Variants in SLC17A1 observed in about 807,000 individuals in gnomAD.
The protein encoded by SLC17A1 is sodium-dependent phosphate transport protein 1.
Under a neutral mutation model 53.5 loss-of-function variants are expected in SLC17A1, and 51 were observed. The ratio of observed to expected loss-of-function variants is 0.95; its 90% CI spans 0.76 to 1.20. SLC17A1 has a LOEUF of 1.20. Among genes scored for constraint, SLC17A1 ranks in the 50% most tolerant of loss-of-function variants. The pLI is 0.00. For missense variants in SLC17A1, 538 were observed against 568.2 expected (o/e 0.95, Z 0.54); for synonymous variants, 179 against 198.8 (o/e 0.90, Z 0.84).
At chr6:25,810,547 A>T (rs986415676) in intron 10 of SLC17A1, among the ~76,000 whole-genome samples, 5 of 152,268 alleles carry the variant, frequency 3.3e-5, no homozygotes, top group African/African-American at 1.2e-4. Flanking sequence ...TTAAAACCAC[A>T]ATGAGATATC....
In SLC17A1 at chr6:25,805,946, G is replaced by C. The variant is rs368598116; in HGVS notation, c.1179-4966C>G. Among the ~76,000 whole-genome samples, 8 of 152,006 alleles carry C rather than the reference G, an allele frequency of 5.3e-5. No individual in the cohort carries two copies. The East Asian group carries it at 1.2e-3, about 22-fold the overall frequency. Reference sequence around the variant, plus strand: ...ACAGATTCACAGCTAAATTCTACCAGACAATCAAAGAATTGGTGCCAATCC... The same window carrying C: ...ACAGATTCACAGCTAAATTCTACCACACAATCAAAGAATTGGTGCCAATCC... On this transcript the variant is annotated intron_variant, in intron 10 of 12. Transcript: ENST00000244527.
At chr6:25,786,826 C>G (rs1581445207) in intron 12 of SLC17A1, among the ~76,000 whole-genome samples, 1 of 152,112 alleles carries the variant, frequency 6.6e-6, no homozygotes, top group African/African-American at 2.4e-5. Context: ...AAAAGCCAGA[C>G]AGAAGAAAGT....
the SLC17A1 span, among the ~76,000 whole-genome samples, chr6:25,734,546 A>G: frequency 6.6e-6 from 1 of 152,248 alleles, no homozygotes; most frequent in South Asian, 2.1e-4. Flanking sequence ...TACTAAGTGC[A>G]GCACATTCTC....
chr6:25,830,552 T>G lies in SLC17A1; in HGVS notation c.6A>C (p.Gln2His), dbSNP rs1024055523. Residue 2 changes from glutamine to histidine, a missense_variant, in exon 2 of 13, where the codon CAA becomes CAC. By Grantham distance (24) the Gln-to-His change is conservative. Coordinates refer to ENST00000244527, the MANE Select transcript of SLC17A1 (RefSeq NM_005074.5). The stretch of plus-strand genomic sequence containing the variant: ...TTTTGGGAGGCAACCGGTTATCCAT[T>G]TGCATACACGGCTGAAGTTGCTTCT... MQMDNRLPPKKV... is the reference protein window; with the variant it reads MHMDNRLPPKKV... 1 of 1,614,000 alleles carries G rather than the reference T, an allele frequency of 6.2e-7. No homozygotes were observed. The highest frequency in any genetic ancestry group is 8.5e-7 in the Non-Finnish European group (1 of 1,179,894).
chr6:25,727,344 T>TA, the SLC17A1 span: 5 of 1,477,624 alleles, frequency 3.4e-6, no homozygotes, highest in Non-Finnish European at 4.6e-6. Context: ...CAGAGCCACT[T>TA]AAACATACTG....
At chr6:25,731,885 C>G in the SLC17A1 span, 5 of 1,603,076 alleles carry the variant, frequency 3.1e-6, no homozygotes, top group Non-Finnish European at 4.3e-6. Flanking sequence ...TCTGGATCTC[C>G]CTGGAGGTGA....
Position 25,819,893 on chromosome 6 carries a change from G to A in SLC17A1, c.230C>T (p.Pro77Leu). ...NIKNPMYNWSPDIQGIILSST... is the reference protein window; with the variant it reads ...NIKNPMYNWSLDIQGIILSST... Reference sequence around the variant, plus strand: ...ACTCAAGATGATTCCCTGGATATCTGGGCTCCAATTATACATAGGGTTCTA... The same window carrying A: ...ACTCAAGATGATTCCCTGGATATCTAGGCTCCAATTATACATAGGGTTCTA... Residue 77 changes from proline to leucine, a missense_variant, in exon 4 of 13, where the codon CCA becomes CTA. Pro to Leu is a moderately conservative substitution (Grantham distance 98). Transcript: ENST00000244527. 1.9e-6 allele frequency: 3 copies of A among 1,612,106 alleles called. No individual in the cohort carries two copies. Among genetic ancestry groups the A allele is most frequent in the South Asian group, 2.2e-5 (2 of 90,698 alleles).
chr6:25,779,494 G>C (rs1377496672), downstream of SLC17A1: 1 of 255,516 alleles, frequency 3.9e-6, no homozygotes, highest in Non-Finnish European at 7.4e-6. Flanking sequence ...GCCAGACCTT[G>C]GGACCGAGAA....
intron 3 of SLC17A1, among the ~76,000 whole-genome samples, chr6:25,824,972 T>C (rs1764691495): frequency 6.6e-6 from 1 of 151,976 alleles, no homozygotes; most frequent in Non-Finnish European, 1.5e-5. Context: ...TCTTTATCTC[T>C]GGTTATCTTC....
At chr6:25,777,023 CT>C in the SLC17A1 span, 1 of 1,517,560 alleles carries the variant, frequency 6.6e-7, no homozygotes, top group Non-Finnish European at 8.9e-7. Context: ...CCTAAATCTA[CT>C]CTGATGTGAA....
intron 12 of SLC17A1, among the ~76,000 whole-genome samples, chr6:25,787,041 GAAATAAATAAAT>G (rs3034353): frequency 1.6e-4 from 24 of 149,462 alleles, no homozygotes; most frequent in South Asian, 4.3e-4. Context: ...GCTTAACAAG[GAAATAAATAAAT>G]AAATAAATAA....
intron 1 of SLC17A1, 54 bp from the exon 2 acceptor site, chr6:25,830,661 AAC>A: frequency 1.6e-6 from 2 of 1,214,574 alleles, no homozygotes; most frequent in Non-Finnish European, 2.4e-6. Context: ...CAACTGACCA[AAC>A]ACTACCCAGT....
rs1362490804 is a variant in SLC17A1, at chr6:25,830,568, A to T, written c.-11T>A. 1 of 1,613,924 alleles carries T rather than the reference A, an allele frequency of 6.2e-7. No individual in the cohort carries two copies. Among genetic ancestry groups the T allele is most frequent in the Non-Finnish European group, 8.5e-7 (1 of 1,179,850 alleles). On this transcript the variant is annotated 5_prime_UTR_variant, in exon 2 of 13. Coordinates refer to ENST00000244527, the MANE Select transcript of SLC17A1 (RefSeq NM_005074.5). ...GTTATCCATTTGCATACACGGCTGA[A>T]GTTGCTTCTCTTCTTGCTGAAGGGT... is the stretch of plus-strand genomic sequence containing the variant.
At chr6:25,765,640 A>G in the SLC17A1 span, among the ~76,000 whole-genome samples, 1 of 152,236 alleles carries the variant, frequency 6.6e-6, no homozygotes, top group Non-Finnish European at 1.5e-5. Context: ...GAGAAAGGAA[A>G]CTAAGGAGGA....
the SLC17A1 span, chr6:25,770,554 A>G: frequency 1.6e-6 from 2 of 1,228,094 alleles, no homozygotes; most frequent in Non-Finnish European, 2.4e-6. Context: ...AAGATCTTAT[A>G]TATCAATCTC....
chr6:25,753,807 T>A, the SLC17A1 span, among the ~76,000 whole-genome samples: 1 of 151,838 alleles, frequency 6.6e-6, no homozygotes, highest in South Asian at 2.1e-4. Flanking sequence ...GAAGTTGAAG[T>A]CGAAGCTCAG....
chr6:25,790,615 G>A (rs1338588027), intron 12 of SLC17A1, among the ~76,000 whole-genome samples: 3 of 152,002 alleles, frequency 2.0e-5, no homozygotes, highest in African/African-American at 7.2e-5. Context: ...AGAAAAATAT[G>A]CAATCATCTG....
chr6:25,816,671 C>A (rs994537702), intron 6 of SLC17A1, among the ~76,000 whole-genome samples: 1 of 152,110 alleles, frequency 6.6e-6, no homozygotes, highest in African/African-American at 2.4e-5. Flanking sequence ...TTAAGGAGAG[C>A]GTGAGATGCT....
At chr6:25,778,147 C>A, downstream of SLC17A1, 1 of 611,202 alleles carries the variant, frequency 1.6e-6, no homozygotes. Context: ...TACATGATGA[C>A]TTAAGAATTA....
Sources: allele counts gnomAD v4.1 joint callset (sites outside exome capture counted in the v4.1 genomes callset), GRCh38; gene constraint gnomAD v4.1.1; transcripts MANE v1.5; gene names NCBI Gene and HGNC (gene_info 2026-07-23, HGNC 2026-07-21).